Variants in SHANK2 observed in about 807,000 individuals in gnomAD.
The protein encoded by SHANK2 is SH3 and multiple ankyrin repeat domains 2.
A neutral mutation model predicts 133.7 loss-of-function variants in SHANK2; 43 were observed. The observed-to-expected ratio is 0.32, with a 90% CI of 0.25 to 0.41. The LOEUF (loss-of-function observed/expected upper bound fraction) is 0.41, where lower values mean the gene tolerates loss of function less well. Among genes scored for constraint, SHANK2 ranks in the 10% least tolerant of loss-of-function variants. SHANK2 has a pLI of 1.00. For synonymous variants in SHANK2, 1,017 were observed against 952.8 expected, an observed-to-expected ratio of 1.07 and a Z score of -1.24; for missense variants, 1,994 against 2,235.8, an observed-to-expected ratio of 0.89 and a Z score of 2.18.
intron 2 of SHANK2, among the ~76,000 whole-genome samples, chr11:71,150,867 T>C (rs1952783237): frequency 6.6e-6 from 1 of 152,112 alleles, no homozygotes; most frequent in South Asian, 2.1e-4. Flanking sequence ...CACCTGTTTC[T>C]TACCCTCGAG....
Position 70,490,281 on chromosome 11 carries a change from G to T in SHANK2, c.2546C>A (p.Ser849Ter). 6.2e-7 allele frequency: 1 copy of T among 1,613,752 alleles called. No individual in the cohort carries two copies. The highest frequency in any genetic ancestry group is 1.1e-5 in the South Asian group (1 of 91,070). ...GGGAGTGCCACACTTCTTACCTATT[G>T]ATTTCTGCCTTCGCATCGTACCTCG... is the stretch of plus-strand genomic sequence containing the variant. ...IPRGTMRRQK[S>*]IDSRIFLSGI... Residue 849 changes from serine to a stop codon, truncating the protein, a stop_gained, in exon 23 of 26, where the codon TCA becomes TAA. Transcript: ENST00000601538. LOFTEE classifies it high-confidence loss of function.
chr11:70,527,607 C>T (rs1159215700), intron 17 of SHANK2, among the ~76,000 whole-genome samples: 5 of 152,206 alleles, frequency 3.3e-5, no homozygotes, highest in South Asian at 4.1e-4. Flanking sequence ...GTCTGAGAGG[C>T]GCCTCCTCCC....
intron 17 of SHANK2, among the ~76,000 whole-genome samples, chr11:70,609,017 C>T (rs2060618591): frequency 2.0e-5 from 3 of 152,216 alleles, no homozygotes; most frequent in Admixed American, 1.3e-4. Context: ...CAAGAAAACC[C>T]TGGGATGAAA....
At chr11:70,511,214 A>T (rs1235563524) in intron 17 of SHANK2, among the ~76,000 whole-genome samples, 5 of 152,236 alleles carry the variant, frequency 3.3e-5, no homozygotes, top group Non-Finnish European at 5.9e-5. Flanking sequence ...CGTGAAATTA[A>T]TTGACAAGAC....
chr11:70,582,781 C>T (rs1204530747), intron 17 of SHANK2, among the ~76,000 whole-genome samples: 4 of 152,328 alleles, frequency 2.6e-5, no homozygotes, highest in African/African-American at 9.6e-5. Flanking sequence ...GCTGGCGGAG[C>T]TTCAGAACCA....
intron 11 of SHANK2, among the ~76,000 whole-genome samples, chr11:70,888,215 G>A (rs1555073931): frequency 6.6e-6 from 1 of 152,068 alleles, no homozygotes; most frequent in East Asian, 1.9e-4. Context: ...AGGATATGGG[G>A]TGGAGGAAGC....
At chr11:70,857,888 T>C (rs1949196287) in intron 11 of SHANK2, among the ~76,000 whole-genome samples, 1 of 152,218 alleles carries the variant, frequency 6.6e-6, no homozygotes, top group African/African-American at 2.4e-5. Context: ...CCTCTCAAGA[T>C]GCTGAGACCC....
At chr11:70,890,839 C>T (rs1949831610) in intron 11 of SHANK2, among the ~76,000 whole-genome samples, 1 of 151,744 alleles carries the variant, frequency 6.6e-6, no homozygotes, top group Non-Finnish European at 1.5e-5. Flanking sequence ...TGGCAGGCGC[C>T]TGTAATCACA....
chr11:70,686,725 T>G (rs1945162811), intron 15 of SHANK2, among the ~76,000 whole-genome samples: 1 of 152,186 alleles, frequency 6.6e-6, no homozygotes, highest in Non-Finnish European at 1.5e-5. Context: ...TCTGATTGCT[T>G]CTCACTCTAG....
chr11:70,558,875 A>C (rs1313154001), intron 17 of SHANK2, among the ~76,000 whole-genome samples: 2 of 152,154 alleles, frequency 1.3e-5, no homozygotes, highest in Admixed American at 6.5e-5. Context: ...CTGCATGGAG[A>C]GAAAGCAGCC....
chr11:70,953,423 C>T (rs1024394626), intron 10 of SHANK2, among the ~76,000 whole-genome samples: 21 of 152,024 alleles, frequency 1.4e-4, no homozygotes, highest in African/African-American at 4.3e-4. Flanking sequence ...AGTCCAAGTC[C>T]GAAAGCCTCA....
intron 2 of SHANK2, among the ~76,000 whole-genome samples, chr11:71,205,714 C>A (rs1243641477): frequency 6.6e-6 from 1 of 152,156 alleles, no homozygotes; most frequent in Non-Finnish European, 1.5e-5. Flanking sequence ...CAACACCTAC[C>A]AAGGCACTCC....
chr11:70,504,569 C>T (rs1269878961), intron 17 of SHANK2, among the ~76,000 whole-genome samples: 2 of 152,180 alleles, frequency 1.3e-5, no homozygotes, highest in Non-Finnish European at 2.9e-5. Context: ...ATCCAGTGTC[C>T]TGGGTCCACT....
intron 1 of SHANK2, among the ~76,000 whole-genome samples, chr11:71,230,905 T>A (rs868990848): frequency 6.0e-4 from 92 of 152,326 alleles, no homozygotes; most frequent in African/African-American, 2.2e-3. Context: ...GGGTCATGCC[T>A]TATACAAAAA....
intron 17 of SHANK2, among the ~76,000 whole-genome samples, chr11:70,597,907 C>A (rs2060422871): frequency 6.6e-6 from 1 of 152,182 alleles, no homozygotes; most frequent in South Asian, 2.1e-4. Flanking sequence ...ACCAGAGTGG[C>A]AGGATCCAGA....
intron 17 of SHANK2, among the ~76,000 whole-genome samples, chr11:70,648,876 G>T (rs527524365): frequency 6.6e-6 from 1 of 152,128 alleles, no homozygotes. Flanking sequence ...CCATGTGCTC[G>T]GCTCTGGGTG....
chr11:70,897,487 C>T (rs1247857138), intron 10 of SHANK2, among the ~76,000 whole-genome samples: 5 of 152,232 alleles, frequency 3.3e-5, no homozygotes, highest in Non-Finnish European at 7.3e-5. Context: ...GCATCAACTC[C>T]TGCCTGAGTT....
At chr11:70,602,093 T>A (rs1483620587) in intron 17 of SHANK2, among the ~76,000 whole-genome samples, 1 of 152,160 alleles carries the variant, frequency 6.6e-6, no homozygotes, top group Non-Finnish European at 1.5e-5. Flanking sequence ...TCTCCGGAGC[T>A]CTGGTTAAGT....
At chr11:70,694,159 C>A (rs1555021721) in intron 15 of SHANK2, among the ~76,000 whole-genome samples, 1 of 152,190 alleles carries the variant, frequency 6.6e-6, no homozygotes, top group Admixed American at 6.5e-5. Flanking sequence ...TTAAAAATGA[C>A]ATTGAAATAT....
Sources: allele counts gnomAD v4.1 joint callset (sites outside exome capture counted in the v4.1 genomes callset), GRCh38; gene constraint gnomAD v4.1.1; transcripts MANE v1.5; gene names NCBI Gene and HGNC (gene_info 2026-07-23, HGNC 2026-07-21).